Variants in ZFYVE1 observed in about 807,000 individuals in gnomAD.
ZFYVE1 encodes zinc finger FYVE-type containing 1.
Under a neutral mutation model 74.4 loss-of-function variants are expected in ZFYVE1, and 30 were observed. The observed-to-expected ratio is 0.40, with a 90% CI of 0.30 to 0.55. The LOEUF is 0.55. ZFYVE1 is among the 20% of genes least tolerant of loss of function. ZFYVE1 has a pLI of 0.42. For synonymous variants in ZFYVE1, 335 were observed against 385.1 expected (o/e 0.87, Z 1.52); for missense variants, 703 against 1,011.6 (o/e 0.69, Z 4.14).
chr14:73,006,171 G>A (rs895759257), intron 2 of ZFYVE1, among the ~76,000 whole-genome samples: 2 of 151,874 alleles, frequency 1.3e-5, no homozygotes, highest in African/African-American at 4.8e-5. Context: ...CGCCCGCCTG[G>A]GCCTCCCAAA....
chr14:72,985,732 G>C (rs1405713619), intron 4 of ZFYVE1, among the ~76,000 whole-genome samples: 1 of 149,120 alleles, frequency 6.7e-6, no homozygotes, highest in Non-Finnish European at 1.5e-5. Flanking sequence ...GAACACCAAA[G>C]AATAGCAATT....
chr14:73,013,639 G>A (rs1276721483), intron 2 of ZFYVE1, among the ~76,000 whole-genome samples: 1 of 151,612 alleles, frequency 6.6e-6, no homozygotes, highest in African/African-American at 2.4e-5. Context: ...AGGGGAAAAT[G>A]AACAAAATAT....
At position 73,024,889 on chromosome 14, in the gene ZFYVE1, T is replaced by G. The variant is rs1894424664; in HGVS notation, c.-381A>C. On this transcript the variant is annotated 5_prime_UTR_variant, in exon 2 of 12. Transcript: ENST00000556143. ...ACAAAGTTTTGGTAATGAAAGAAAG[T>G]GGTCAGGAGCTTTTCAATATAATTC... 5.9e-6 allele frequency: 1 copy of G among 169,540 alleles called. No homozygotes were observed. The highest frequency in any genetic ancestry group is 1.2e-5 in the Non-Finnish European group (1 of 80,164). 10.5% of individuals were successfully genotyped at this position (169,540 alleles called of 1,614,324 possible).
At chr14:73,020,878 C>T (rs867850270) in intron 2 of ZFYVE1, among the ~76,000 whole-genome samples, 5 of 152,090 alleles carry the variant, frequency 3.3e-5, no homozygotes, top group East Asian at 1.9e-4. Flanking sequence ...GGATTATAGG[C>T]GTGAGCCACC....
intron 10 of ZFYVE1, among the ~76,000 whole-genome samples, chr14:72,974,566 C>G (rs968252437): frequency 2.6e-5 from 4 of 152,240 alleles, no homozygotes; most frequent in African/African-American, 9.6e-5. Flanking sequence ...AGAAGCAACT[C>G]TGCAGCTAAG....
rs536072061 is a variant in ZFYVE1, at chr14:73,005,374, T to G, written c.484-7059A>C. The stretch of plus-strand genomic sequence containing the variant: ...ATGGTGCTCCAATCCTGGAGTTAAA[T>G]AGGTTACCTGGCCCTGAGCTCGGCC... On this transcript the variant is annotated intron_variant, in intron 2 of 11. Transcript: ENST00000556143. Among the ~76,000 whole-genome samples the G allele has an allele frequency of 3.9e-5, 6 of 152,296 alleles. No homozygotes were observed. The South Asian group carries it at 1.2e-3, about 32-fold the overall frequency.
At chr14:73,019,167 T>C (rs758822689) in intron 2 of ZFYVE1, among the ~76,000 whole-genome samples, 2 of 152,206 alleles carry the variant, frequency 1.3e-5, no homozygotes, top group Non-Finnish European at 2.9e-5. Context: ...TTAGTCCTTT[T>C]ACATTTTCTA....
chr14:72,975,172 C>A lies in ZFYVE1; in HGVS notation c.1807-213G>T. 1.8e-6 allele frequency: 1 copy of A among 565,488 alleles called. No homozygotes were observed. The highest frequency in any genetic ancestry group is 3.0e-6 in the Non-Finnish European group (1 of 331,496). 35.0% of individuals were successfully genotyped at this position (565,488 alleles called of 1,614,324 possible). A position where few individuals can be genotyped will look rare whatever the true frequency, so the allele number is the denominator to read the frequency against. ...CTTTCACTAAGTGTCTGGGTTGAAG[C>A]TGGGTGCTCTCTTGCTCTGGGTGCT... On this transcript the variant is annotated intron_variant, in intron 9 of 11. Coordinates refer to ENST00000556143, the MANE Select transcript of ZFYVE1 (RefSeq NM_021260.4). This position sits in a 1 kb window ranked among gnomAD's most constrained non-coding sequence, Gnocchi z 4.1.
chr14:72,996,231 TGTA>T (rs1157393805), intron 3 of ZFYVE1, among the ~76,000 whole-genome samples: 1 of 152,064 alleles, frequency 6.6e-6, no homozygotes, highest in African/African-American at 2.4e-5. Flanking sequence ...TGGATTTTGA[TGTA>T]GTCAAAAGCC....
At chr14:73,021,951 G>A (rs1312676799) in intron 2 of ZFYVE1, among the ~76,000 whole-genome samples, 2 of 152,068 alleles carry the variant, frequency 1.3e-5, no homozygotes, top group African/African-American at 4.8e-5. Context: ...TTTTAAAGGT[G>A]CCAATGCAAT....
At chr14:72,985,753 A>G (rs530807914) in intron 4 of ZFYVE1, among the ~76,000 whole-genome samples, 45 of 151,736 alleles carry the variant, frequency 3.0e-4, no homozygotes, top group Non-Finnish European at 5.0e-4. Flanking sequence ...ATTATTTAAA[A>G]AAAAAAAAAG....
At position 72,971,785 on chromosome 14, in the gene ZFYVE1, T is replaced by C. The variant is rs1594826590; in HGVS notation, c.2102-671A>G. Among the ~76,000 whole-genome samples the C allele has an allele frequency of 2.0e-5, 3 of 152,260 alleles. 1 individual carries two copies. The highest frequency in any genetic ancestry group is 4.4e-5 in the Non-Finnish European group (3 of 68,030). On this transcript the variant is annotated intron_variant, in intron 11 of 11. Transcript: ENST00000556143. ...CACCCAGCTCCTTGATCTTTATGTA[T>C]CTATGAAGCCCTCCTTGTAAACTGA...
chr14:72,984,634 G>A (rs775830991), intron 4 of ZFYVE1, among the ~76,000 whole-genome samples: 5 of 152,056 alleles, frequency 3.3e-5, no homozygotes, highest in African/African-American at 4.8e-5. Context: ...ATTATAAGTC[G>A]GCCTATACAT....
chr14:73,023,413 T>C (rs1894385182), intron 2 of ZFYVE1, among the ~76,000 whole-genome samples: 2 of 136,404 alleles, frequency 1.5e-5, no homozygotes, highest in African/African-American at 5.6e-5. Context: ...ATAATATATA[T>C]TTTATGTTTT....
At chr14:72,979,160 C>T (rs1211983402) in intron 5 of ZFYVE1, 191 bp from the exon 6 acceptor site, 1 of 563,758 alleles carries the variant, frequency 1.8e-6, no homozygotes, top group Non-Finnish European at 3.2e-6. Flanking sequence ...ATCAACAGCA[C>T]TACAGAGGCA....
At chr14:73,000,419 T>C (rs934809841) in intron 2 of ZFYVE1, among the ~76,000 whole-genome samples, 2 of 151,958 alleles carry the variant, frequency 1.3e-5, no homozygotes, top group Non-Finnish European at 1.5e-5. Flanking sequence ...CTGGCCAACA[T>C]GGTGCGACCT....
intron 4 of ZFYVE1, chr14:72,986,936 C>A: frequency 1.0e-6 from 1 of 985,404 alleles, no homozygotes; most frequent in Non-Finnish European, 1.2e-6. Flanking sequence ...CTCCTGAGAT[C>A]CCAAAGCTAG....
chr14:73,005,663 C>G (rs1238224052), intron 2 of ZFYVE1, among the ~76,000 whole-genome samples: 1 of 152,202 alleles, frequency 6.6e-6, no homozygotes, highest in Non-Finnish European at 1.5e-5. Flanking sequence ...TAGCGACACT[C>G]AGCGGACTAA....
rs770406112 is a variant in ZFYVE1 at position 73,024,080 on chromosome 14, C to A, written c.429G>T (p.Lys143Asn). The A allele has an allele frequency of 3.1e-6, 5 of 1,614,064 alleles. No homozygotes were observed. Among genetic ancestry groups the A allele is most frequent in the African/African-American group, 2.7e-5 (2 of 74,920 alleles). Residue 143 changes from lysine to asparagine, a missense_variant, in exon 2 of 12, where the codon AAG becomes AAT. Around this residue, in one of 2 missense-constraint regions of ZFYVE1, gnomAD observed 211 missense variants for 221.7 expected, o/e 0.95. Coordinates refer to ENST00000556143, the MANE Select transcript of ZFYVE1 (RefSeq NM_021260.4). ...EEMDEETKRK[K>N]MTEKVVSFLL... ...GGAAACTCACAACCTTCTCAGTCAT[C>A]TTCTTCCTCTTGGTCTCCTCATCCA...
Sources: allele counts gnomAD v4.1 joint callset (sites outside exome capture counted in the v4.1 genomes callset), GRCh38; gene constraint gnomAD v4.1.1; regional missense constraint gnomAD v4.1.1; non-coding constraint Gnocchi (gnomAD v3.1); transcripts MANE v1.5; gene names NCBI Gene and HGNC (gene_info 2026-07-23, HGNC 2026-07-21).